RBFOX1: variants seen among roughly 807,000 people sequenced by gnomAD.
RBFOX1 encodes the protein RNA binding protein fox-1 homolog 1.
In RBFOX1, 8 loss-of-function variants were observed where a neutral mutation model predicts 57.7. That is an observed-to-expected ratio of 0.14 (90% confidence interval 0.08 to 0.25). The LOEUF (loss-of-function observed/expected upper bound fraction) is 0.25, where lower values mean the gene tolerates loss of function less well. Among genes scored for constraint, RBFOX1 ranks in the 10% least tolerant of loss-of-function variants. RBFOX1 has a pLI of 1.00. For missense variants in RBFOX1, 611 were observed against 548.5 expected (o/e 1.11, Z -1.14); for synonymous variants, 326 against 222.4 (o/e 1.47, Z -4.15).
At chr16:7,603,106 C>T (rs554148224) in intron 9 of RBFOX1, among the ~76,000 whole-genome samples, 9 of 152,234 alleles carry the variant, frequency 5.9e-5, no homozygotes, top group Non-Finnish European at 1.3e-4. Context: ...TAGTAATAAA[C>T]GCCTACATCA....
chr16:7,401,463 A>T (rs1461582313), intron 4 of RBFOX1, among the ~76,000 whole-genome samples: 1 of 152,232 alleles, frequency 6.6e-6, no homozygotes, highest in Admixed American at 6.5e-5. Context: ...ATCGATAGCT[A>T]GATGGCTAAA....
intron 1 of RBFOX1, among the ~76,000 whole-genome samples, chr16:5,389,021 C>T (rs1043107057): frequency 1.3e-5 from 2 of 151,256 alleles, no homozygotes. Flanking sequence ...GAAACCCCAT[C>T]TCTAGTAAAA....
intron 3 of RBFOX1, among the ~76,000 whole-genome samples, chr16:5,784,895 C>T (rs1035426587): frequency 1.3e-5 from 2 of 152,132 alleles, no homozygotes; most frequent in African/African-American, 4.8e-5. Context: ...GGATTTCCAG[C>T]CTCAGAGCTT....
At chr16:6,944,060 A>G (rs2079030756) in intron 3 of RBFOX1, among the ~76,000 whole-genome samples, 2 of 152,084 alleles carry the variant, frequency 1.3e-5, no homozygotes, top group South Asian at 4.1e-4. Context: ...CAACACTGCA[A>G]AGCCTGAAAC....
chr16:5,417,706 G>A (rs1333895389), intron 1 of RBFOX1, among the ~76,000 whole-genome samples: 3 of 152,192 alleles, frequency 2.0e-5, no homozygotes, highest in African/African-American at 4.8e-5. Flanking sequence ...AATACAGCAG[G>A]CATTTAATAA....
At chr16:6,310,817 G>T (rs1282280244) in intron 1 of RBFOX1, among the ~76,000 whole-genome samples, 2 of 151,928 alleles carry the variant, frequency 1.3e-5, no homozygotes, top group African/African-American at 4.8e-5. Context: ...TAAGAGTGGG[G>T]AACATGGCAT....
intron 3 of RBFOX1, among the ~76,000 whole-genome samples, chr16:5,731,299 C>A (rs998299914): frequency 2.6e-5 from 4 of 152,094 alleles, no homozygotes; most frequent in Admixed American, 2.6e-4. Context: ...ATCACCACCA[C>A]CACCATCATC....
At position 5,710,050 on chromosome 16, in the gene RBFOX1, A is replaced by T. The variant is rs143825445; in HGVS notation, c.318+111089A>T. On this transcript the variant is annotated intron_variant, in intron 3 of 19. Coordinates refer to the RBFOX1 transcript ENST00000641259. ...AGGGTTTTGTGATTTTTAAGTGCCC[A>T]TGTATCTTCAGCACCCGGGACAGCT... 5.3e-5 allele frequency among the ~76,000 whole-genome samples: 8 copies of T among 150,548 alleles called. No individual in the cohort carries two copies. In the South Asian group the frequency reaches 1.5e-3, roughly 28 times the overall value.
Position 6,318,327 on chromosome 16 carries a change from G to A in RBFOX1, c.-64+1270G>A, listed in dbSNP as rs111278826. 7.8e-3 allele frequency among the ~76,000 whole-genome samples: 1,192 copies of A among 152,226 alleles called. 12 individuals are homozygous for A. Among genetic ancestry groups the A allele is most frequent in the African/African-American group, 0.025 (1,058 of 41,540 alleles). On this transcript the variant is annotated intron_variant, in intron 2 of 15. Coordinates refer to ENST00000550418, the MANE Select transcript of RBFOX1 (RefSeq NM_018723.4). ...TTCATGCCTTTGAAGTTCAGGCTTC[G>A]GCATTTCTTGAAAACTGGGAGGTTT...
At chr16:7,375,466 G>A (rs922757451) in intron 4 of RBFOX1, among the ~76,000 whole-genome samples, 3 of 151,748 alleles carry the variant, frequency 2.0e-5, no homozygotes, top group African/African-American at 7.3e-5. Flanking sequence ...AGAGAGACCT[G>A]CATTGGGCTC....
intron 2 of RBFOX1, among the ~76,000 whole-genome samples, chr16:5,503,189 G>T (rs72633286): frequency 6.6e-6 from 1 of 152,144 alleles, no homozygotes; most frequent in Non-Finnish European, 1.5e-5. Context: ...ACATCTCTGT[G>T]CCACAGTGTC....
intron 3 of RBFOX1, among the ~76,000 whole-genome samples, chr16:5,751,755 A>G (rs903754933): frequency 2.0e-5 from 3 of 152,218 alleles, no homozygotes; most frequent in Non-Finnish European, 2.9e-5. Context: ...CCAAATTGAG[A>G]TGGTTTAGTG....
intron 3 of RBFOX1, among the ~76,000 whole-genome samples, chr16:6,771,101 A>G (rs2078215868): frequency 6.6e-6 from 1 of 152,100 alleles, no homozygotes; most frequent in Non-Finnish European, 1.5e-5. Context: ...TTATAAGAAG[A>G]AAAAATCAGA....
chr16:5,980,561 G>T (rs894917940), intron 4 of RBFOX1, among the ~76,000 whole-genome samples: 1 of 152,186 alleles, frequency 6.6e-6, no homozygotes, highest in Non-Finnish European at 1.5e-5. Context: ...AAGTTAAGTA[G>T]AGAAAATTGG....
rs150647062 is a variant in RBFOX1, at chr16:7,702,518, C to T, written c.996-6538C>T. Reference sequence around the variant, plus strand: ...GGTTGAGTTGGAAAACATAAATGCCCATAACAGTTTATGATTGACAACGGA... The same window carrying T: ...GGTTGAGTTGGAAAACATAAATGCCTATAACAGTTTATGATTGACAACGGA... On this transcript the variant is annotated intron_variant, in intron 14 of 15. Transcript: ENST00000550418. Among the ~76,000 whole-genome samples the T allele has an allele frequency of 1.8e-3, 280 of 152,232 alleles. 1 individual carries two copies. The highest frequency in any genetic ancestry group is 6.7e-3 in the African/African-American group (278 of 41,530).
intron 5 of RBFOX1, among the ~76,000 whole-genome samples, chr16:7,579,412 T>TC (rs1480252542): frequency 6.6e-6 from 1 of 151,972 alleles, no homozygotes; most frequent in Non-Finnish European, 1.5e-5. Context: ...GCTCCCCACC[T>TC]CCCAACCCCA....
chr16:7,197,676 A>G (rs1167033753), intron 4 of RBFOX1, among the ~76,000 whole-genome samples: 2 of 152,166 alleles, frequency 1.3e-5, no homozygotes, highest in Admixed American at 6.5e-5. Flanking sequence ...AAACAACTCA[A>G]CTGTCCATCA....
intron 4 of RBFOX1, among the ~76,000 whole-genome samples, chr16:7,085,054 G>A (rs2059780230): frequency 6.6e-6 from 1 of 152,040 alleles, no homozygotes; most frequent in East Asian, 1.9e-4. Context: ...AGATAAAGTA[G>A]GTATTATATT....
chr16:5,248,827 A>T (rs1453113776), intron 1 of RBFOX1, among the ~76,000 whole-genome samples: 1 of 152,074 alleles, frequency 6.6e-6, no homozygotes, highest in African/African-American at 2.4e-5. Flanking sequence ...TGTCTCTAAT[A>T]AAAATACAAT....
Sources: gnomAD v4.1 joint callset for allele counts (sites outside exome capture counted in the v4.1 genomes callset) on GRCh38, gnomAD v4.1.1 for gene constraint, MANE v1.5 for transcripts, NCBI Gene and HGNC (gene_info 2026-07-23, HGNC 2026-07-21) for gene names.